The following PTPRT variants were observed in gnomAD, a reference collection of about 807,000 sequenced individuals.
PTPRT encodes the protein receptor-type tyrosine-protein phosphatase T.
In PTPRT, 56 loss-of-function variants were observed where a neutral mutation model predicts 176.8. The observed-to-expected ratio is 0.32, with a 90% CI of 0.26 to 0.40. The LOEUF (loss-of-function observed/expected upper bound fraction) is 0.40. PTPRT is among the 10% of genes least tolerant of loss of function. The pLI is 1.00. For synonymous variants in PTPRT, 783 were observed against 739.0 expected, an observed-to-expected ratio of 1.06 and a Z score of -0.96; for missense variants, 1,540 against 1,908.2, an observed-to-expected ratio of 0.81 and a Z score of 3.60.
At chr20:42,346,742 C>G (rs1487620545) in intron 11 of PTPRT, among the ~76,000 whole-genome samples, 3 of 152,178 alleles carry the variant, frequency 2.0e-5, no homozygotes, top group African/African-American at 7.2e-5. Context: ...TTGGCTCAGC[C>G]AGGGTTGGAG....
intron 1 of PTPRT, among the ~76,000 whole-genome samples, chr20:42,997,802 G>A (rs1434018774): frequency 6.6e-6 from 1 of 152,142 alleles, no homozygotes. Context: ...AAGTCACACA[G>A]CTAATAAAGG....
chr20:42,457,493 A>G (rs2070943995), intron 8 of PTPRT, among the ~76,000 whole-genome samples: 1 of 152,218 alleles, frequency 6.6e-6, no homozygotes, highest in African/African-American at 2.4e-5. Context: ...AAGCATTTTT[A>G]AAAATCTGTC....
intron 11 of PTPRT, among the ~76,000 whole-genome samples, chr20:42,329,498 C>CACAT (rs1555825550): frequency 1.6e-4 from 23 of 141,216 alleles, no homozygotes; most frequent in African/African-American, 5.3e-4. Context: ...CACACACACA[C>CACAT]ACACATACAC....
chr20:42,474,771 G>A (rs572871257), intron 7 of PTPRT, among the ~76,000 whole-genome samples: 1 of 152,292 alleles, frequency 6.6e-6, no homozygotes, highest in East Asian at 1.9e-4. Flanking sequence ...TGCCTGGGAA[G>A]CCCCGAGCAT....
At chr20:43,102,653 T>C (rs1423884101) in intron 1 of PTPRT, among the ~76,000 whole-genome samples, 1 of 152,140 alleles carries the variant, frequency 6.6e-6, no homozygotes, top group African/African-American at 2.4e-5. Flanking sequence ...AGGCTGGAAG[T>C]GACAGATGGT....
intron 1 of PTPRT, among the ~76,000 whole-genome samples, chr20:43,030,872 C>T (rs1016430127): frequency 3.3e-5 from 5 of 152,090 alleles, no homozygotes; most frequent in African/African-American, 1.2e-4. Flanking sequence ...CACAAACCCA[C>T]CTTAGATCAG....
chr20:43,111,592 G>T (rs974836043), intron 1 of PTPRT, among the ~76,000 whole-genome samples: 31 of 148,132 alleles, frequency 2.1e-4, no homozygotes, highest in African/African-American at 5.7e-4. Context: ...AATGGGACTT[G>T]TATATCCACT....
rs1989586265 is a variant in PTPRT at position 42,161,343 on chromosome 20, G to A, written c.2682+9C>T. Reference sequence around the variant, plus strand: ...TATCAGGAAGTTTCCCCACAGGCTGGTCTCTTACCTCGTATTCCTCCTTGA... The same window carrying A: ...TATCAGGAAGTTTCCCCACAGGCTGATCTCTTACCTCGTATTCCTCCTTGA... On this transcript the variant is annotated intron_variant, in intron 17 of 30. Transcript: ENST00000373187. 6.2e-7 allele frequency: 1 copy of A among 1,613,874 alleles called. No individual in the cohort carries two copies. Among genetic ancestry groups the A allele is most frequent in the East Asian group, 2.2e-5 (1 of 44,876 alleles).
At chr20:42,306,726 A>C (rs950213336) in intron 12 of PTPRT, among the ~76,000 whole-genome samples, 3 of 152,168 alleles carry the variant, frequency 2.0e-5, no homozygotes, top group African/African-American at 7.2e-5. Context: ...TTATAGAAGC[A>C]TTGGAAGACC....
At chr20:42,847,918 T>C (rs2078403243) in intron 2 of PTPRT, among the ~76,000 whole-genome samples, 2 of 152,174 alleles carry the variant, frequency 1.3e-5, no homozygotes, top group South Asian at 4.1e-4. Context: ...TTTCTGAGAG[T>C]TTGGTGTACC....
chr20:42,788,121 T>C (rs1349489500), intron 3 of PTPRT, among the ~76,000 whole-genome samples: 1 of 152,098 alleles, frequency 6.6e-6, no homozygotes, highest in South Asian at 2.1e-4. Flanking sequence ...TAGTGACACG[T>C]GTTAAAAACA....
At chr20:42,261,293 G>A (rs1354380185) in intron 13 of PTPRT, among the ~76,000 whole-genome samples, 3 of 152,088 alleles carry the variant, frequency 2.0e-5, no homozygotes, top group African/African-American at 7.3e-5. Flanking sequence ...TTCTCCCTAT[G>A]AGTCTGTCTT....
At chr20:42,768,088 T>C (rs1283022821) in intron 5 of PTPRT, among the ~76,000 whole-genome samples, 2 of 151,146 alleles carry the variant, frequency 1.3e-5, no homozygotes, top group Non-Finnish European at 2.9e-5. Context: ...CACATAAGCC[T>C]GGATTTAACT....
At chr20:42,547,536 T>C (rs1163546445) in intron 7 of PTPRT, among the ~76,000 whole-genome samples, 1 of 152,090 alleles carries the variant, frequency 6.6e-6, no homozygotes, top group African/African-American at 2.4e-5. Flanking sequence ...AATTGACAGA[T>C]AAAAGACTGA....
chr20:42,815,297 A>G (rs1306821998), intron 2 of PTPRT, among the ~76,000 whole-genome samples: 1 of 152,118 alleles, frequency 6.6e-6, no homozygotes, highest in Non-Finnish European at 1.5e-5. Flanking sequence ...GCACTGGGGT[A>G]GGGGGGATAG....
intron 1 of PTPRT, among the ~76,000 whole-genome samples, chr20:43,056,746 AAACATT>A (rs951288487): frequency 1.3e-5 from 2 of 152,218 alleles, no homozygotes; most frequent in African/African-American, 4.8e-5. Flanking sequence ...AACAGTGGGA[AAACATT>A]AACAAATCAA....
At chr20:42,958,599 A>G (rs937916596) in intron 1 of PTPRT, among the ~76,000 whole-genome samples, 1 of 152,050 alleles carries the variant, frequency 6.6e-6, no homozygotes, top group Non-Finnish European at 1.5e-5. Context: ...CCAACCCTAC[A>G]CAACATTAGG....
chr20:42,440,202 G>T (rs554074361), intron 9 of PTPRT, among the ~76,000 whole-genome samples: 21 of 152,200 alleles, frequency 1.4e-4, no homozygotes, highest in Admixed American at 9.2e-4. Flanking sequence ...ACCACACCAG[G>T]CCAAACTAGA....
At chr20:42,624,005 C>CAAAAAA (rs1159094345) in intron 7 of PTPRT, among the ~76,000 whole-genome samples, 5 of 135,750 alleles carry the variant, frequency 3.7e-5, no homozygotes, top group African/African-American at 1.3e-4. Context: ...AAAACAATAG[C>CAAAAAA]AACAAACAAA....
Sources: gnomAD v4.1 joint callset for allele counts (sites outside exome capture counted in the v4.1 genomes callset) on GRCh38, gnomAD v4.1.1 for gene constraint, MANE v1.5 for transcripts, NCBI Gene and HGNC (gene_info 2026-07-23, HGNC 2026-07-21) for gene names.